The following ZBTB41 variants were observed in gnomAD, a reference collection of about 807,000 sequenced individuals.
ZBTB41 encodes the protein zinc finger and BTB domain-containing protein 41.
A neutral mutation model predicts 87.6 loss-of-function variants in ZBTB41; 42 were observed. That is an observed-to-expected ratio of 0.48 (90% confidence interval 0.37 to 0.62). ZBTB41 has a LOEUF of 0.62. ZBTB41 is among the 20% of genes least tolerant of loss of function. The pLI is 0.00. For synonymous variants in ZBTB41, 364 were observed against 364.0 expected, an observed-to-expected ratio of 1.00 and a Z score of 0.00; for missense variants, 799 against 1,078.9, an observed-to-expected ratio of 0.74 and a Z score of 3.63.
At chr1:197,169,356 G>A (rs1290216101) in intron 10 of ZBTB41, among the ~76,000 whole-genome samples, 1 of 151,742 alleles carries the variant, frequency 6.6e-6, no homozygotes, top group African/African-American at 2.4e-5. Context: ...TGAATAAATT[G>A]TAACAGTCAT....
Position 197,156,331 on chromosome 1 carries a change from C to T in ZBTB41, c.*3028G>A, listed in dbSNP as rs1047815187. On this transcript the variant is annotated 3_prime_UTR_variant, in exon 11 of 11. Transcript: ENST00000367405. ...TAATACCTACTAAAAATCTTTGGTG[C>T]ATTTAAGTCAAAACCCATTAGATTA... The T allele has an allele frequency of 2.6e-5, 4 of 152,056 alleles. No homozygotes were observed. The highest frequency in any genetic ancestry group is 9.7e-5 in the African/African-American group (4 of 41,360). 9.4% of individuals were successfully genotyped at this position (152,056 alleles called of 1,614,324 possible).
Position 197,188,502 on chromosome 1 carries a change from G to T in ZBTB41, c.1399-63C>A, listed in dbSNP as rs76887412. 1.4e-3 allele frequency: 1,978 copies of T among 1,396,418 alleles called. 12 individuals carry two copies. The African/African-American group carries it at 0.022, about 15-fold the overall frequency. 86.5% of individuals were successfully genotyped at this position (1,396,418 alleles called of 1,614,324 possible). A position where few individuals can be genotyped will look rare whatever the true frequency, so the allele number is the denominator to read the frequency against. On this transcript the variant is annotated intron_variant, in intron 4 of 10. Transcript: ENST00000367405. ...AATTAAAAATTGTAATATTAAGCTT[G>T]TAATGAGAAGAAAACCATATAAATT... is the stretch of plus-strand genomic sequence containing the variant.
chr1:197,195,596 AT>A (rs1008866156), intron 2 of ZBTB41, among the ~76,000 whole-genome samples: 47 of 151,582 alleles, frequency 3.1e-4, no homozygotes, highest in African/African-American at 4.1e-4. Flanking sequence ...GACTAGTCAC[AT>A]TTTTTTTTAA....
chr1:197,183,719 G>A (rs566975906), intron 5 of ZBTB41, among the ~76,000 whole-genome samples: 1 of 152,090 alleles, frequency 6.6e-6, no homozygotes, highest in Non-Finnish European at 1.5e-5. Flanking sequence ...TTTGAATGTC[G>A]AATGTACTTT....
chr1:197,184,741 T>C (rs919726637), intron 5 of ZBTB41, among the ~76,000 whole-genome samples: 1 of 152,142 alleles, frequency 6.6e-6, no homozygotes, highest in Non-Finnish European at 1.5e-5. Flanking sequence ...AACTATTTTA[T>C]AGTTCTTAAA....
chr1:197,177,125 C>T (rs1482998851), intron 7 of ZBTB41, among the ~76,000 whole-genome samples: 1 of 152,080 alleles, frequency 6.6e-6, no homozygotes, highest in Non-Finnish European at 1.5e-5. Context: ...TATGGTTTGG[C>T]TCTGTGTTCC....
chr1:197,165,883 C>T (rs972380578), intron 10 of ZBTB41, among the ~76,000 whole-genome samples: 5 of 152,190 alleles, frequency 3.3e-5, no homozygotes, highest in Non-Finnish European at 7.3e-5. Flanking sequence ...TCTGCATTTC[C>T]AACTGAGGTA....
At chr1:197,176,797 C>T (rs2125130270) in intron 7 of ZBTB41, 127 bp from the exon 8 acceptor site, 1 of 673,974 alleles carries the variant, frequency 1.5e-6, no homozygotes, top group Non-Finnish European at 2.5e-6. Context: ...ACATTATTGG[C>T]TTTATTTCTA....
chr1:197,196,869 T>G (rs1571671769), intron 2 of ZBTB41, among the ~76,000 whole-genome samples: 1 of 152,322 alleles, frequency 6.6e-6, no homozygotes, highest in East Asian at 1.9e-4. Flanking sequence ...CCCTATTCTT[T>G]GAGTCTCAGC....
At chr1:197,193,769 GT>G (rs1364186753) in intron 2 of ZBTB41, among the ~76,000 whole-genome samples, 1 of 152,080 alleles carries the variant, frequency 6.6e-6, no homozygotes, top group Non-Finnish European at 1.5e-5. Context: ...CACTATATGG[GT>G]TTTTAAGTAT....
In ZBTB41 at chr1:197,159,735, A is replaced by T. The variant is rs765587611; in HGVS notation, c.2354T>A (p.Met785Lys). ...CGACTGATAAACTTTGGGCTGGTCC[A>T]TATATTGTTTTGTTTCTGTTTGAAA... ...KIFQTETKQY[M>K]DQPKVYQSEA... The change falls in exon 11 of 11, where the codon ATG (methionine) becomes AAG (lysine). Residue 785 changes from methionine (M) to lysine (K), a missense_variant. Coordinates refer to ENST00000367405, the MANE Select transcript of ZBTB41 (RefSeq NM_194314.3). The T allele has an allele frequency of 3.1e-6, 5 of 1,613,876 alleles. No individual in the cohort carries two copies. Among genetic ancestry groups the T allele is most frequent in the Non-Finnish European group, 3.4e-6 (4 of 1,179,930 alleles).
At chr1:197,167,789 A>T (rs1463848047) in intron 10 of ZBTB41, among the ~76,000 whole-genome samples, 1 of 152,204 alleles carries the variant, frequency 6.6e-6, no homozygotes, top group Non-Finnish European at 1.5e-5. Context: ...TATCATACTT[A>T]ATTGTGAATT....
intron 1 of ZBTB41, among the ~76,000 whole-genome samples, chr1:197,200,884 G>C (rs1473510935): frequency 6.6e-6 from 1 of 152,210 alleles, no homozygotes; most frequent in African/African-American, 2.4e-5. Context: ...ATCGTTGACG[G>C]TGCGGGTTGA....
chr1:197,169,455 A>AT (rs1428804764), intron 10 of ZBTB41, among the ~76,000 whole-genome samples: 2 of 152,064 alleles, frequency 1.3e-5, no homozygotes, highest in Non-Finnish European at 2.9e-5. Context: ...GAAAAAAAAG[A>AT]TTACATACTA....
In ZBTB41 at chr1:197,200,193, A is replaced by C; in HGVS notation, c.281T>G (p.Val94Gly). ...QPSFCDLLII[V>G]EGKEFSAHKV... Reference sequence around the variant, plus strand: ...ATGTGCACTAAATTCTTTTCCTTCCACTATGATAAGTAAATCACAAAAAGA... The same window carrying C: ...ATGTGCACTAAATTCTTTTCCTTCCCCTATGATAAGTAAATCACAAAAAGA... The change falls in exon 2 of 11, where the codon GTG becomes GGG. Residue 94 changes from valine to glycine, a missense_variant. Around this residue, in one of 5 missense-constraint regions of ZBTB41, gnomAD observed 59 missense variants for 120.1 expected, o/e 0.49. Transcript: ENST00000367405. 6.2e-7 allele frequency: 1 copy of C among 1,613,830 alleles called. No individual in the cohort carries two copies. The highest frequency in any genetic ancestry group is 8.5e-7 in the Non-Finnish European group (1 of 1,179,978).
At chr1:197,168,543 C>A (rs1342742063) in intron 10 of ZBTB41, among the ~76,000 whole-genome samples, 2 of 151,988 alleles carry the variant, frequency 1.3e-5, no homozygotes, top group Non-Finnish European at 2.9e-5. Context: ...CAAAAAATAG[C>A]GCTAAAGCAA....
At chr1:197,162,838 T>G (rs1290884516) in intron 10 of ZBTB41, among the ~76,000 whole-genome samples, 1 of 152,162 alleles carries the variant, frequency 6.6e-6, no homozygotes, top group Non-Finnish European at 1.5e-5. Context: ...TGAGGAAATC[T>G]CATTGGAATG....
chr1:197,184,925 C>T (rs1659844781), intron 5 of ZBTB41, among the ~76,000 whole-genome samples: 1 of 152,192 alleles, frequency 6.6e-6, no homozygotes, highest in African/African-American at 2.4e-5. Flanking sequence ...AGCTATTCTC[C>T]TGCCTCAGCC....
intron 2 of ZBTB41, among the ~76,000 whole-genome samples, chr1:197,196,929 A>G (rs1660178329): frequency 1.6e-5 from 2 of 125,874 alleles, no homozygotes; most frequent in East Asian, 2.7e-4. Context: ...TTAGTCTTCT[A>G]TACTTATCCT....
Sources: gnomAD v4.1 joint callset for allele counts (sites outside exome capture counted in the v4.1 genomes callset) on GRCh38, gnomAD v4.1.1 for gene constraint, gnomAD v4.1.1 regional missense constraint, MANE v1.5 for transcripts, NCBI Gene and HGNC (gene_info 2026-07-23, HGNC 2026-07-21) for gene names.